The following ZBBX variants were observed in gnomAD, a reference collection of about 807,000 sequenced individuals.
ZBBX encodes zinc finger B-box domain-containing protein 1.
ZBBX carries 101 observed loss-of-function variants against 108.5 expected under a neutral mutation model. That is an observed-to-expected ratio of 0.93 (90% CI 0.79 to 1.10). ZBBX has a LOEUF of 1.10. ZBBX is among the 50% of genes least tolerant of loss of function. ZBBX has a pLI of 0.00. For synonymous variants in ZBBX, 356 were observed against 323.4 expected (o/e 1.10, Z -1.08); for missense variants, 1,009 against 941.4 (o/e 1.07, Z -0.94).
chr3:167,291,733 A>G (rs1478309173), intron 18 of ZBBX, among the ~76,000 whole-genome samples: 3 of 152,200 alleles, frequency 2.0e-5, no homozygotes, highest in Non-Finnish European at 4.4e-5. Context: ...AATGGGCTAA[A>G]TGCCCCAATT....
intron 16 of ZBBX, among the ~76,000 whole-genome samples, chr3:167,306,553 T>G (rs1376190803): frequency 2.0e-5 from 3 of 152,144 alleles, no homozygotes; most frequent in Non-Finnish European, 4.4e-5. Context: ...GGTTGCACAG[T>G]AGAATCATCT....
intron 14 of ZBBX, 81 bp from the exon 15 acceptor site, chr3:167,315,910 T>C (rs1735373045): frequency 5.0e-6 from 4 of 794,438 alleles, no homozygotes; most frequent in Admixed American, 5.3e-5. Context: ...TGGGTGATAT[T>C]TGGAGTACAT....
intron 16 of ZBBX, among the ~76,000 whole-genome samples, chr3:167,311,512 A>T (rs1734582202): frequency 6.6e-6 from 1 of 152,176 alleles, no homozygotes; most frequent in Admixed American, 6.5e-5. Flanking sequence ...CCATACACTG[A>T]AAGAAAATAT....
intron 10 of ZBBX, among the ~76,000 whole-genome samples, chr3:167,330,945 T>TCTCTCTCTCTCTCTCTC (rs1738465561): frequency 8.0e-5 from 7 of 87,172 alleles, no homozygotes; most frequent in Non-Finnish European, 1.3e-4. Flanking sequence ...CTCTCTTTCT[T>TCTCTCTCTCTCTCTCTC]TCTCTCTCTC....
At chr3:167,299,224 C>A (rs187492477) in intron 17 of ZBBX, among the ~76,000 whole-genome samples, 1 of 152,126 alleles carries the variant, frequency 6.6e-6, no homozygotes, top group African/African-American at 2.4e-5. Context: ...CGTAATGAAT[C>A]TAACTAATGC....
At chr3:167,244,219 T>A (rs929741180) in intron 20 of ZBBX, among the ~76,000 whole-genome samples, 5 of 152,202 alleles carry the variant, frequency 3.3e-5, no homozygotes, top group Non-Finnish European at 5.9e-5. Context: ...TAAATCACTC[T>A]GTTCCAGAAT....
rs1192290285 is a variant in ZBBX at position 167,263,032 on chromosome 3, G to GTTTTTTTTTTTT, written c.2254+19205_2254+19206insAAAAAAAAAAAA. Among the ~76,000 whole-genome samples, 7 of 111,034 alleles carry GTTTTTTTTTTTT rather than the reference G, an allele frequency of 6.3e-5. 1 individual carries two copies. Among genetic ancestry groups the GTTTTTTTTTTTT allele is most frequent in the African/African-American group, 1.0e-4 (3 of 29,864 alleles). The allele number at this position is 111,034 out of a possible 152,430, so 72.8% of individuals were successfully genotyped here. A position where few individuals can be genotyped will look rare whatever the true frequency, so the allele number is the denominator to read the frequency against. On this transcript the variant is annotated intron_variant, in intron 20 of 21. Transcript: ENST00000675490. ...GGTTTGGTTTGTGCTTGCTTTTCTA[G>GTTTTTTTTTTTT]TTCTTTTTTTTTTTTTTTTTTTTGA...
chr3:167,214,280 A>C, the ZBBX span, among the ~76,000 whole-genome samples: 8 of 152,188 alleles, frequency 5.3e-5, no homozygotes, highest in Admixed American at 4.6e-4. Context: ...CCATAGGCTA[A>C]AAATAAAGTG....
chr3:167,250,166 T>C (rs1030314816), intron 20 of ZBBX, among the ~76,000 whole-genome samples: 4 of 152,104 alleles, frequency 2.6e-5, no homozygotes, highest in Non-Finnish European at 5.9e-5. Flanking sequence ...TGGGACCAGA[T>C]AGTACATTAG....
intron 20 of ZBBX, among the ~76,000 whole-genome samples, chr3:167,270,194 T>TGAG (rs1343170361): frequency 6.6e-6 from 1 of 152,156 alleles, no homozygotes; most frequent in Non-Finnish European, 1.5e-5. Flanking sequence ...ATGCAGAACC[T>TGAG]GAGGTCAAAT....
intron 20 of ZBBX, among the ~76,000 whole-genome samples, chr3:167,274,875 A>AC (rs1166558061): frequency 6.6e-6 from 1 of 151,446 alleles, no homozygotes. Flanking sequence ...GGATATAAAA[A>AC]CCCCCTGGTG....
intron 20 of ZBBX, among the ~76,000 whole-genome samples, chr3:167,260,591 A>G (rs1724326374): frequency 6.6e-6 from 1 of 152,042 alleles, no homozygotes; most frequent in Non-Finnish European, 1.5e-5. Flanking sequence ...TTTGAGCTTC[A>G]AATTTCTTCT....
At chr3:167,287,695 T>C (rs1439050604) in intron 19 of ZBBX, among the ~76,000 whole-genome samples, 2 of 152,128 alleles carry the variant, frequency 1.3e-5, no homozygotes, top group Non-Finnish European at 2.9e-5. Context: ...TTTTCATCAA[T>C]ATACAGTGAC....
Position 167,396,344 on chromosome 3 carries a change from G to A in ZBBX, c.-446+11382C>T, listed in dbSNP as rs188775515. Among the ~76,000 whole-genome samples the A allele has an allele frequency of 3.9e-5, 6 of 151,948 alleles. No homozygotes were observed. The East Asian group carries it at 1.2e-3, about 29-fold the overall frequency. On this transcript the variant is annotated intron_variant, in intron 1 of 21. Transcript: ENST00000455345. ...TAAGCCTGAGTGATTGAGAGAATCA[G>A]GATTTCTATGCTGTGCAACTCCTAG... is the stretch of plus-strand genomic sequence containing the variant.
At chr3:167,191,928 T>TAGAGAGAGAGAG in the ZBBX span, among the ~76,000 whole-genome samples, 68 of 125,766 alleles carry the variant, frequency 5.4e-4, no homozygotes, top group African/African-American at 2.2e-3. Context: ...TATATATATA[T>TAGAGAGAGAGAG]ATATATAGAG....
intron 20 of ZBBX, among the ~76,000 whole-genome samples, chr3:167,255,435 TTTTCACTAAGAAAAAAA>T (rs1241122575): frequency 1.3e-5 from 2 of 151,954 alleles, no homozygotes; most frequent in African/African-American, 2.4e-5. Flanking sequence ...TCCATATTGA[TTTTCACTAAGAAAAAAA>T]TAAAAGGAAA....
chr3:167,216,973 A>G, the ZBBX span, among the ~76,000 whole-genome samples: 1 of 152,224 alleles, frequency 6.6e-6, no homozygotes, highest in Non-Finnish European at 1.5e-5. Context: ...AACTCAACTC[A>G]AAATGTATTA....
chr3:167,345,221 A>G (rs565303517), intron 9 of ZBBX, among the ~76,000 whole-genome samples: 1 of 152,002 alleles, frequency 6.6e-6, no homozygotes, highest in East Asian at 1.9e-4. Context: ...CTGAGGATAC[A>G]GTGATGAACA....
At chr3:167,292,483 A>T (rs541068086) in intron 18 of ZBBX, among the ~76,000 whole-genome samples, 2 of 152,296 alleles carry the variant, frequency 1.3e-5, no homozygotes, top group African/African-American at 4.8e-5. Flanking sequence ...GCAGTAATGA[A>T]GATGTTCTTT....
Sources: gnomAD v4.1 joint callset for allele counts (sites outside exome capture counted in the v4.1 genomes callset) on GRCh38, gnomAD v4.1.1 for gene constraint, MANE v1.5 for transcripts, NCBI Gene and HGNC (gene_info 2026-07-23, HGNC 2026-07-21) for gene names.